Variants in BOC observed in about 807,000 individuals in gnomAD.
The protein encoded by BOC is brother of CDO.
Under a neutral mutation model 112.0 loss-of-function variants are expected in BOC, and 76 were observed. The ratio of observed to expected loss-of-function variants is 0.68; its 90% CI spans 0.56 to 0.82. The LOEUF is 0.82. BOC is among the 40% of genes least tolerant of loss of function. The pLI is 0.00. For missense variants in BOC, 1,309 were observed against 1,511.7 expected (o/e 0.87, Z 2.22); for synonymous variants, 580 against 599.8 (o/e 0.97, Z 0.48).
At chr3:113,231,515 G>A (rs552700889) in intron 2 of BOC, among the ~76,000 whole-genome samples, 1 of 152,260 alleles carries the variant, frequency 6.6e-6, no homozygotes, top group East Asian at 1.9e-4. Flanking sequence ...GGTACTGTGA[G>A]AAAAAAGGAT....
At chr3:113,222,901 C>G (rs1355553882) in intron 2 of BOC, among the ~76,000 whole-genome samples, 2 of 152,212 alleles carry the variant, frequency 1.3e-5, no homozygotes, top group African/African-American at 4.8e-5. Flanking sequence ...GTTTAGTTCC[C>G]CACACACCAG....
chr3:113,270,636 G>T, intron 5 of BOC, 165 bp from the exon 6 acceptor site: 2 of 736,858 alleles, frequency 2.7e-6, no homozygotes, highest in Non-Finnish European at 2.2e-6. Flanking sequence ...GTTTTATGGG[G>T]AGAACGGCAT....
chr3:113,281,987 A>G (rs1359896079), intron 15 of BOC, among the ~76,000 whole-genome samples: 1 of 152,158 alleles, frequency 6.6e-6, no homozygotes, highest in Non-Finnish European at 1.5e-5. Context: ...AGAGGGAGGA[A>G]GAGACTTCAT....
At chr3:113,215,056 T>G (rs1447026714) in intron 1 of BOC, among the ~76,000 whole-genome samples, 3 of 152,274 alleles carry the variant, frequency 2.0e-5, no homozygotes, top group Non-Finnish European at 2.9e-5. Context: ...TCTACATTTT[T>G]GACTAAAGAC....
intron 2 of BOC, among the ~76,000 whole-genome samples, chr3:113,221,407 C>T (rs573884762): frequency 6.6e-6 from 1 of 152,310 alleles, no homozygotes; most frequent in African/African-American, 2.4e-5. Flanking sequence ...GGCCCTGCCT[C>T]AGGTGCACCG....
At chr3:113,216,348 C>A in intron 2 of BOC, 74 bp downstream of exon 2, 1 of 445,808 alleles carries the variant, frequency 2.2e-6, no homozygotes, top group Non-Finnish European at 4.5e-6. Context: ...TTTGTGTTAC[C>A]ACTTAGAGAT....
At chr3:113,272,051 G>C (rs1484414524) in intron 6 of BOC, 1 of 294,256 alleles carries the variant, frequency 3.4e-6, no homozygotes, top group Non-Finnish European at 6.5e-6. Flanking sequence ...GCCTCACAGC[G>C]CACATACTGA....
chr3:113,271,328 T>C (rs1446383376), intron 6 of BOC: 1 of 434,032 alleles, frequency 2.3e-6, no homozygotes, highest in Non-Finnish European at 4.6e-6. Context: ...GCCTCCAGGC[T>C]GCTGTTCTGC....
At chr3:113,252,880 T>C (rs777899047) in intron 4 of BOC, among the ~76,000 whole-genome samples, 11 of 152,106 alleles carry the variant, frequency 7.2e-5, no homozygotes, top group Admixed American at 1.3e-4. Flanking sequence ...GGGCCCTCCC[T>C]TCCAGCTGTG....
chr3:113,236,292 A>ATATATATATATACCCATGGG (rs1553726905), intron 2 of BOC, among the ~76,000 whole-genome samples: 1,387 of 48,364 alleles, frequency 0.029, 109 homozygotes, highest in African/African-American at 0.11. Flanking sequence ...GTATATATAT[A>ATATATATATATACCCATGGG]TATATATATA....
intron 4 of BOC, among the ~76,000 whole-genome samples, chr3:113,255,447 T>G (rs1472239913): frequency 6.6e-6 from 1 of 152,228 alleles, no homozygotes; most frequent in Non-Finnish European, 1.5e-5. Context: ...CCTCTAACAG[T>G]CAACCATTAA....
intron 2 of BOC, 127 bp downstream of exon 2, chr3:113,216,401 G>A (rs1445459718): frequency 2.5e-6 from 1 of 402,872 alleles, no homozygotes; most frequent in Non-Finnish European, 5.0e-6. Flanking sequence ...ACTTTGAGTG[G>A]AATCTGGACT....
chr3:113,244,657 A>G (rs1944687739), intron 2 of BOC, among the ~76,000 whole-genome samples: 1 of 152,240 alleles, frequency 6.6e-6, no homozygotes, highest in Non-Finnish European at 1.5e-5. Flanking sequence ...CTAGTGCTTT[A>G]GACAGCACAA....
chr3:113,218,438 C>T (rs568677515), intron 2 of BOC, among the ~76,000 whole-genome samples: 3 of 152,294 alleles, frequency 2.0e-5, no homozygotes, highest in East Asian at 1.9e-4. Context: ...TTTCTGTTTT[C>T]GGTCTTGTGA....
intron 4 of BOC, among the ~76,000 whole-genome samples, chr3:113,261,028 T>C (rs952323862): frequency 6.6e-6 from 1 of 152,020 alleles, no homozygotes; most frequent in Non-Finnish European, 1.5e-5. Flanking sequence ...TTGGAGTGGG[T>C]GGATGGGATT....
At chr3:113,255,566 G>A (rs1946142416) in intron 4 of BOC, among the ~76,000 whole-genome samples, 1 of 152,134 alleles carries the variant, frequency 6.6e-6, no homozygotes, top group African/African-American at 2.4e-5. Context: ...TGGTAACCAG[G>A]TAGCTACCTA....
At chr3:113,277,571 T>G (rs1277356674) in intron 9 of BOC, among the ~76,000 whole-genome samples, 1 of 152,252 alleles carries the variant, frequency 6.6e-6, no homozygotes, top group Non-Finnish European at 1.5e-5. Context: ...ACCAATCTTT[T>G]GGGCTATTTT....
At chr3:113,280,815 A>AC (rs1472556844) in intron 14 of BOC, 152 bp downstream of exon 14, 2 of 851,288 alleles carry the variant, frequency 2.3e-6, no homozygotes. Context: ...CATTCATAAT[A>AC]CCCTTGAAGC....
chr3:113,268,565 A>C, intron 5 of BOC, 120 bp downstream of exon 5: 2 of 914,496 alleles, frequency 2.2e-6, no homozygotes, highest in Non-Finnish European at 3.3e-6. Flanking sequence ...CCCCCTCAAC[A>C]TGCCAGCAGC....
Sources: gnomAD v4.1 joint callset for allele counts (sites outside exome capture counted in the v4.1 genomes callset) on GRCh38, gnomAD v4.1.1 for gene constraint, MANE v1.5 for transcripts, NCBI Gene and HGNC (gene_info 2026-07-23, HGNC 2026-07-21) for gene names.